The following SURF6 variants were observed in gnomAD, a reference collection of about 807,000 sequenced individuals.
The protein encoded by SURF6 is surfeit locus protein 6.
A neutral mutation model predicts 37.5 loss-of-function variants in SURF6; 28 were observed. The ratio of observed to expected loss-of-function variants is 0.75; its 90% CI spans 0.55 to 1.02. The LOEUF is 1.02. Among genes scored for constraint, SURF6 ranks in the 50% least tolerant of loss-of-function variants. SURF6 has a pLI of 0.00. For missense variants in SURF6, 560 were observed against 490.5 expected (o/e 1.14, Z -1.34); for synonymous variants, 248 against 210.9 (o/e 1.18, Z -1.52).
intron 2 of SURF6, 68 bp downstream of exon 2, chr9:133,334,324 G>T: frequency 6.9e-7 from 1 of 1,456,846 alleles, no homozygotes. Flanking sequence ...TAAGAGCAAA[G>T]GGGACCAAGC....
rs1421325885 is a variant in SURF6 at position 133,333,937 on chromosome 9, C to G, written c.305-131G>C. 5 of 731,678 alleles carry G rather than the reference C, an allele frequency of 6.8e-6. No individual in the cohort carries two copies. The African/African-American group carries it at 8.6e-5, about 13-fold the overall frequency. 45.3% of individuals were successfully genotyped at this position (731,678 alleles called of 1,614,324 possible). On this transcript the variant is annotated intron_variant, in intron 2 of 4. Transcript: ENST00000372022. ...GCAATTCCAGTAAATTCCACTCCAC[C>G]GCTTCAACCTGGACTGGTTCCTACA... is the stretch of plus-strand genomic sequence containing the variant.
intron 4 of SURF6, 58 bp downstream of exon 4, chr9:133,332,490 G>A: frequency 6.3e-7 from 1 of 1,578,604 alleles, no homozygotes; most frequent in Non-Finnish European, 8.6e-7. Flanking sequence ...AGCTAACAAG[G>A]GGCAACGCTG....
Position 133,334,328 on chromosome 9 carries a change from A to ACCAAGC in SURF6, c.304+58_304+63dup, listed in dbSNP as rs1396014068. 5.4e-6 allele frequency: 8 copies of ACCAAGC among 1,476,664 alleles called. No homozygotes were observed. The African/African-American group carries it at 5.7e-5, about 10-fold the overall frequency. 91.5% of individuals were successfully genotyped at this position (1,476,664 alleles called of 1,614,324 possible). ...TTTTTTTTTCTTAAGAGCAAAGGGGACCAAGCCCAAGCCCAGCCCCAGCCC... is the reference window on the plus strand; with the variant it reads ...TTTTTTTTTCTTAAGAGCAAAGGGGACCAAGCCCAAGCCCAAGCCCAGCCCCAGCCC... On this transcript the variant is annotated intron_variant, in intron 2 of 4. Transcript: ENST00000372022.
At chr9:133,333,240 C>T (rs1835792911) in intron 3 of SURF6, among the ~76,000 whole-genome samples, 1 of 152,160 alleles carries the variant, frequency 6.6e-6, no homozygotes, top group Non-Finnish European at 1.5e-5. Flanking sequence ...GAGCCTTGCT[C>T]ACCTCTTAGG....
At chr9:133,335,083 C>G (rs372582298) in intron 1 of SURF6, among the ~76,000 whole-genome samples, 1 of 152,146 alleles carries the variant, frequency 6.6e-6, no homozygotes. Context: ...CCTCAGCCTC[C>G]GGAGTAGCTG....
chr9:133,336,182 G>A lies in SURF6; in HGVS notation c.-50C>T, dbSNP rs1835875180. On this transcript the variant is annotated 5_prime_UTR_variant, in exon 1 of 5. Transcript: ENST00000372022. ...CTCACACCTTCCCCGCTGCGCGTGCGACTCTCACCACCTCCGCCGGAAACC... is the reference window on the plus strand; with the variant it reads ...CTCACACCTTCCCCGCTGCGCGTGCAACTCTCACCACCTCCGCCGGAAACC... The A allele has an allele frequency of 2.0e-6, 3 of 1,515,760 alleles. No homozygotes were observed. The highest frequency in any genetic ancestry group is 1.8e-6 in the Non-Finnish European group (2 of 1,107,068). 93.9% of individuals were successfully genotyped at this position (1,515,760 alleles called of 1,614,324 possible). A position where few individuals can be genotyped will look rare whatever the true frequency, so the allele number is the denominator to read the frequency against.
intron 3 of SURF6, 31 bp downstream of exon 3, chr9:133,333,687 T>A (rs1028612607): frequency 6.2e-7 from 1 of 1,604,700 alleles, no homozygotes. Context: ...GGCAGAGCAG[T>A]GACGGCACTC....
rs2129927707 is a variant in SURF6, at chr9:133,334,486, C to T, written c.210G>A (p.Leu70=). Residue 70 remains leucine (L), a synonymous_variant, in exon 2 of 5, where the codon TTG becomes TTA. Coordinates refer to ENST00000372022, the MANE Select transcript of SURF6 (RefSeq NM_006753.6). Reference sequence around the variant, plus strand: ...CAGAGGCTGCTGGAGATTTCTCCCCCAAGGACTTGGCCTTGTGCTCAGCAG... The same window carrying T: ...CAGAGGCTGCTGGAGATTTCTCCCCTAAGGACTTGGCCTTGTGCTCAGCAG... The part of the protein sequence containing the change: ...EKAAEHKAKS[L]GEKSPAASGA... 1.2e-6 allele frequency: 2 copies of T among 1,614,130 alleles called. No individual in the cohort carries two copies. The highest frequency in any genetic ancestry group is 1.7e-6 in the Non-Finnish European group (2 of 1,180,040).
chr9:133,334,615 TA>T lies in SURF6; in HGVS notation c.95-15del. The T allele has an allele frequency of 6.2e-7, 1 of 1,603,676 alleles. No homozygotes were observed. On this transcript the variant is annotated splice_polypyrimidine_tract_variant and intron_variant, in intron 1 of 4. Transcript: ENST00000372022. ...GAGTTTTGCCAGCTGAAATGCAAAA[TA>T]AGAAAGAGTTAAGTCCCAATCTCAT...
At chr9:133,333,688 G>A (rs2129924145) in intron 3 of SURF6, 30 bp downstream of exon 3, 1 of 1,604,478 alleles carries the variant, frequency 6.2e-7, no homozygotes, top group Non-Finnish European at 8.5e-7. Context: ...GCAGAGCAGT[G>A]ACGGCACTCC....
chr9:133,333,780 CAG>C lies in SURF6; in HGVS notation c.329_330del (p.Ser110CysfsTer13), dbSNP rs2129924824. 1.7e-5 allele frequency: 28 copies of C among 1,613,942 alleles called. No individual in the cohort carries two copies. Among genetic ancestry groups the C allele is most frequent in the Non-Finnish European group, 2.3e-5 (27 of 1,179,950 alleles). On this transcript the variant is annotated frameshift_variant, in exon 3 of 5. Coordinates refer to ENST00000372022, the MANE Select transcript of SURF6 (RefSeq NM_006753.6). LOFTEE classifies it high-confidence loss of function. ...TGTCGCAGAACATCCAGAGCAAAGA[CAG>C]ACTCAGGCTCAGTGGCCAGGCCATC... Reference protein sequence around the residue: ...PADGLATEPESVFALDVLRQR... With the variant: ...PADGLATEPEXVFALDVLRQR...
Position 133,330,395 on chromosome 9 carries a change from C to A in SURF6, c.*1474G>T, listed in dbSNP as rs1217083030. ...GGGACTACAGGTTTGCACCACCACA[C>A]CCAGCTAATTTTTTATTTTTAATAG... On this transcript the variant is annotated 3_prime_UTR_variant, in exon 5 of 5. Coordinates refer to ENST00000372022, the MANE Select transcript of SURF6 (RefSeq NM_006753.6). 6.6e-6 allele frequency: 1 copy of A among 152,156 alleles called. No homozygotes were observed. The highest frequency in any genetic ancestry group is 1.5e-5 in the Non-Finnish European group (1 of 68,044). 9.4% of individuals were successfully genotyped at this position (152,156 alleles called of 1,614,324 possible). A position where few individuals can be genotyped will look rare whatever the true frequency, so the allele number is the denominator to read the frequency against.
Position 133,333,767 on chromosome 9 carries a change from T to C in SURF6, c.344A>G (p.Asp115Gly). The C allele has an allele frequency of 6.2e-7, 1 of 1,613,900 alleles. No homozygotes were observed. Among genetic ancestry groups the C allele is most frequent in the Non-Finnish European group, 8.5e-7 (1 of 1,179,942 alleles). ...CTCATGCAGTCGCTGTCGCAGAACA[T>C]CCAGAGCAAAGACAGACTCAGGCTC... ...ATEPESVFALDVLRQRLHEKI... is the reference protein window; with the variant it reads ...ATEPESVFALGVLRQRLHEKI... The change falls in exon 3 of 5, where the codon GAT becomes GGT. Residue 115 changes from aspartate to glycine, a missense_variant. By Grantham distance (94) the Asp-to-Gly change is moderately conservative. Coordinates refer to ENST00000372022, the MANE Select transcript of SURF6 (RefSeq NM_006753.6).
intron 1 of SURF6, among the ~76,000 whole-genome samples, chr9:133,335,320 G>GAAA (rs10712179): frequency 4.6e-4 from 58 of 124,942 alleles, no homozygotes; most frequent in Middle Eastern, 4.0e-3. Flanking sequence ...TCGTTTTAAT[G>GAAA]AAAAAAAAAA....
Position 133,331,008 on chromosome 9 carries a change from A to T in SURF6, c.*861T>A, listed in dbSNP as rs782122089. On this transcript the variant is annotated 3_prime_UTR_variant, in exon 5 of 5. Transcript: ENST00000372022. ...TACAGTCTTTGTCTCATAACCGGAG[A>T]GTTTCATCAAAAGAATTTTATTTAC... 1 of 152,134 alleles carries T rather than the reference A, an allele frequency of 6.6e-6. No individual in the cohort carries two copies. Among genetic ancestry groups the T allele is most frequent in the Non-Finnish European group, 1.5e-5 (1 of 68,028 alleles). 9.4% of individuals were successfully genotyped at this position (152,134 alleles called of 1,614,324 possible). A position where few individuals can be genotyped will look rare whatever the true frequency, so the allele number is the denominator to read the frequency against.
At position 133,329,255 on chromosome 9, in the gene SURF6, A is replaced by C. The variant is rs1422594478; in HGVS notation, c.*2614T>G. ...AGCCAGGTGTACAGGATGGAACATG[A>C]AGGCGGACTAGGAGCGTGACCACTG... is the stretch of plus-strand genomic sequence containing the variant. On this transcript the variant is annotated 3_prime_UTR_variant, in exon 5 of 5. Transcript: ENST00000372022. 1 of 154,944 alleles carries C rather than the reference A, an allele frequency of 6.5e-6. No homozygotes were observed. The allele number at this position is 154,944 out of a possible 1,614,324, so 9.6% of individuals were successfully genotyped here.
rs2129912540 is a variant in SURF6 at position 133,331,909 on chromosome 9, C to T, written c.1046G>A (p.Arg349His). Residue 349 changes from arginine to histidine, a missense_variant, in exon 5 of 5, where the codon CGC (arginine) becomes CAC (histidine). Transcript: ENST00000372022. ...RRLLRARKKG[R>H]ILPQDLERAG... ...GCGCTCCAGGTCCTGCGGCAGGATG[C>T]GGCCCTTCTTGCGGGCTCTGAGCAG... 5.2e-6 allele frequency: 8 copies of T among 1,548,500 alleles called. No individual in the cohort carries two copies. In the African/African-American group the frequency reaches 9.6e-5, roughly 19 times the overall value.
chr9:133,336,024 G>T lies in SURF6; in HGVS notation c.94+15C>A. 1 of 1,607,360 alleles carries T rather than the reference G, an allele frequency of 6.2e-7. No individual in the cohort carries two copies. On this transcript the variant is annotated intron_variant, in intron 1 of 4. Coordinates refer to ENST00000372022, the MANE Select transcript of SURF6 (RefSeq NM_006753.6). ...TTCGCAGGCCCCTTAGTCCCGGCCC[G>T]GCCCTGTGCGTTACCCCGCGTGCGC...
At position 133,332,825 on chromosome 9, in the gene SURF6, T is replaced by C. The variant is rs2129921676; in HGVS notation, c.394-65A>G. The C allele has an allele frequency of 1.7e-5, 26 of 1,521,618 alleles. No homozygotes were observed. The African/African-American group carries it at 2.1e-4, about 12-fold the overall frequency. The allele number at this position is 1,521,618 out of a possible 1,614,324, so 94.3% of individuals were successfully genotyped here. ...TCCCAGGGTCCCCCAGCCTGGCCCATAGTCGAGAAGAATCAGGGCTGGAAG... is the reference window on the plus strand; with the variant it reads ...TCCCAGGGTCCCCCAGCCTGGCCCACAGTCGAGAAGAATCAGGGCTGGAAG... On this transcript the variant is annotated intron_variant, in intron 3 of 4. Coordinates refer to ENST00000372022, the MANE Select transcript of SURF6 (RefSeq NM_006753.6).
Sources: allele counts gnomAD v4.1 joint callset (sites outside exome capture counted in the v4.1 genomes callset), GRCh38; gene constraint gnomAD v4.1.1; transcripts MANE v1.5; gene names NCBI Gene and HGNC (gene_info 2026-07-23, HGNC 2026-07-21).